NUP153: variants seen among roughly 807,000 people sequenced by gnomAD.
NUP153 encodes nucleoporin 153, also known as nuclear pore complex protein Nup153.
Under a neutral mutation model 134.6 loss-of-function variants are expected in NUP153, and 27 were observed. The observed-to-expected ratio is 0.20, with a 90% CI of 0.15 to 0.28. The LOEUF (loss-of-function observed/expected upper bound fraction) is 0.28. Ranked by LOEUF, NUP153 falls within the 10% of genes least tolerant of loss-of-function variation. The probability of loss-of-function intolerance (pLI) is 1.00; values close to 1 mark genes in which losing one functional copy is unlikely to be tolerated. For missense variants in NUP153, 1,821 were observed against 1,731.3 expected, an observed-to-expected ratio of 1.05 and a Z score of -0.92; for synonymous variants, 640 against 623.5, an observed-to-expected ratio of 1.03 and a Z score of -0.40.
intron 20 of NUP153, among the ~76,000 whole-genome samples, chr6:17,623,557 A>C (rs1764764159): frequency 6.6e-6 from 1 of 152,174 alleles, no homozygotes; most frequent in Admixed American, 6.5e-5. Context: ...CTCTAGAAAA[A>C]CATACATATG....
In NUP153 at chr6:17,675,492, A is replaced by T. The variant is rs756022354; in HGVS notation, c.583+30T>A. ...CCCATAAAATTTAATGTTACTACCC[A>T]AATTATGTACTACCACATGTCAAGA... On this transcript the variant is annotated intron_variant, in intron 3 of 21. Coordinates refer to ENST00000262077, the MANE Select transcript of NUP153 (RefSeq NM_005124.4). The surrounding 1 kb of genome is among the most constrained non-coding windows in gnomAD (Gnocchi z 4.4). 1 of 1,610,584 alleles carries T rather than the reference A, an allele frequency of 6.2e-7. No homozygotes were observed. The highest frequency in any genetic ancestry group is 1.7e-5 in the Admixed American group (1 of 59,716).
chr6:17,628,720 T>G lies in NUP153; in HGVS notation c.3479A>C (p.Glu1160Ala), dbSNP rs1765073939. The G allele has an allele frequency of 6.2e-7, 1 of 1,613,968 alleles. No homozygotes were observed. The highest frequency in any genetic ancestry group is 2.2e-5 in the East Asian group (1 of 44,892). ...TFSFSMTKPS[E>A]KESEQPAKAT... ...TTTTGCTGGCTGTTCAGATTCCTTC[T>G]CAGATGGTTTTGTCATACTAAAACT... The change falls in exon 18 of 22, where the codon GAG (glutamate) becomes GCG (alanine). Residue 1160 changes from glutamate to alanine, a missense_variant. Coordinates refer to ENST00000262077, the MANE Select transcript of NUP153 (RefSeq NM_005124.4). This position sits in a 1 kb window ranked among gnomAD's most constrained non-coding sequence, Gnocchi z 5.4.
intron 17 of NUP153, among the ~76,000 whole-genome samples, chr6:17,630,159 T>G (rs945413156): frequency 3.9e-5 from 6 of 152,104 alleles, no homozygotes; most frequent in Non-Finnish European, 8.8e-5. Flanking sequence ...ATAAAGAAAC[T>G]TTGAAAGATT....
intron 1 of NUP153, among the ~76,000 whole-genome samples, chr6:17,697,575 T>G (rs1459367870): frequency 6.6e-6 from 1 of 152,076 alleles, no homozygotes; most frequent in African/African-American, 2.4e-5. Context: ...TAATCCCAGC[T>G]ACTTGAGAGG....
At chr6:17,618,214 T>A (rs1764439436) in intron 20 of NUP153, among the ~76,000 whole-genome samples, 1 of 152,182 alleles carries the variant, frequency 6.6e-6, no homozygotes, top group South Asian at 2.1e-4. Flanking sequence ...CAGATAAATC[T>A]ACAATGAAAT....
chr6:17,629,661 T>C (rs112989746), intron 17 of NUP153, 122 bp from the exon 18 acceptor site: 1 of 766,796 alleles, frequency 1.3e-6, no homozygotes, highest in South Asian at 2.2e-5. Flanking sequence ...CTTTGAAGAG[T>C]ATTACCAGCA....
At chr6:17,643,559 T>C (rs1765970648) in intron 14 of NUP153, among the ~76,000 whole-genome samples, 1 of 152,208 alleles carries the variant, frequency 6.6e-6, no homozygotes, top group East Asian at 1.9e-4. Flanking sequence ...TCTTCCTTTA[T>C]AATGAAAGTT....
chr6:17,637,254 T>A lies in NUP153; in HGVS notation c.2363A>T (p.Asp788Val), dbSNP rs770742181. Residue 788 changes from aspartate to valine, a missense_variant, in exon 16 of 22, where the codon GAT becomes GTT. By Grantham distance (152) the Asp-to-Val change is radical. Coordinates refer to ENST00000262077, the MANE Select transcript of NUP153 (RefSeq NM_005124.4). ...AGATCCAATGGGCCTTTTGAATTTA[T>A]CTCCAAATCCTAAGGTACCAGTGGT... Reference protein sequence around the residue: ...TVTTGTLGFGDKFKRPIGSWE... With the variant: ...TVTTGTLGFGVKFKRPIGSWE... 6.2e-7 allele frequency: 1 copy of A among 1,614,174 alleles called. No individual in the cohort carries two copies.
At chr6:17,700,357 A>C (rs1034555526) in intron 1 of NUP153, among the ~76,000 whole-genome samples, 1 of 152,196 alleles carries the variant, frequency 6.6e-6, no homozygotes, top group African/African-American at 2.4e-5. Context: ...TTTACAGATG[A>C]GTAAATTAAC....
rs1417942679 is a variant in NUP153 at position 17,646,116 on chromosome 6, T to G, written c.1671A>C (p.Ala557=). ...FTFSVPVAKT[A]ELSGSSSTLE... ...AAGTACTACTAGAACCAGAAAGTTC[T>G]GCTGTTTTTGCAACAGGCACACTAA... Residue 557 remains alanine, a synonymous_variant, in exon 14 of 22, where the codon GCA becomes GCC. Transcript: ENST00000262077. The G allele has an allele frequency of 1.2e-6, 2 of 1,602,338 alleles. No individual in the cohort carries two copies. The highest frequency in any genetic ancestry group is 1.7e-6 in the Non-Finnish European group (2 of 1,169,728).
intron 2 of NUP153, among the ~76,000 whole-genome samples, chr6:17,677,661 T>G (rs1432915809): frequency 6.6e-6 from 1 of 151,990 alleles, no homozygotes; most frequent in African/African-American, 2.4e-5. Flanking sequence ...TTTATGTCCC[T>G]CAGTGGAACT....
chr6:17,625,688 A>G lies in NUP153; in HGVS notation c.3901+120T>C, dbSNP rs561059589. On this transcript the variant is annotated intron_variant, in intron 19 of 21. Transcript: ENST00000262077. The surrounding 1 kb of genome is among the most constrained non-coding windows in gnomAD (Gnocchi z 4.7). Reference sequence around the variant, plus strand: ...AATAATTAAAACAACCCTGGTATAGATGACCAAAAGGCATTCCCACCATTT... The same window carrying G: ...AATAATTAAAACAACCCTGGTATAGGTGACCAAAAGGCATTCCCACCATTT... The G allele has an allele frequency of 4.0e-6, 3 of 754,438 alleles. No homozygotes were observed. In the South Asian group the frequency reaches 5.1e-5, roughly 13 times the overall value. The allele number at this position is 754,438 out of a possible 1,614,324, so 46.7% of individuals were successfully genotyped here. A position where few individuals can be genotyped will look rare whatever the true frequency, so the allele number is the denominator to read the frequency against.
intron 5 of NUP153, among the ~76,000 whole-genome samples, chr6:17,670,387 A>G (rs534944333): frequency 2.0e-5 from 3 of 152,328 alleles, no homozygotes; most frequent in African/African-American, 7.2e-5. Flanking sequence ...TTGACCTTGT[A>G]TCCTGTGACC....
chr6:17,661,950 A>G (rs1767212285), intron 10 of NUP153, 68 bp downstream of exon 10: 2 of 1,301,122 alleles, frequency 1.5e-6, no homozygotes, highest in East Asian at 4.6e-5. Context: ...AAAAAGGTAC[A>G]TGTAAATTAA....
chr6:17,673,005 C>T (rs925327106), intron 5 of NUP153, among the ~76,000 whole-genome samples: 5 of 151,992 alleles, frequency 3.3e-5, no homozygotes, highest in East Asian at 1.9e-4. Flanking sequence ...ATCTCAGATA[C>T]GACACCAAAA....
intron 17 of NUP153, among the ~76,000 whole-genome samples, chr6:17,630,009 A>C (rs533036900): frequency 1.3e-5 from 2 of 152,374 alleles, no homozygotes; most frequent in South Asian, 4.1e-4. Flanking sequence ...CTATAAACGA[A>C]GAAGGAAGAA....
chr6:17,642,748 A>T (rs1765899743), intron 14 of NUP153, among the ~76,000 whole-genome samples: 1 of 152,126 alleles, frequency 6.6e-6, no homozygotes, highest in African/African-American at 2.4e-5. Flanking sequence ...TGTTCACAGC[A>T]GCACTATTCA....
In NUP153 at chr6:17,625,662, G is replaced by A. The variant is rs927856988; in HGVS notation, c.3901+146C>T. 3.0e-6 allele frequency: 2 copies of A among 657,410 alleles called. No homozygotes were observed. Among genetic ancestry groups the A allele is most frequent in the Middle Eastern group, 3.6e-4 (1 of 2,772 alleles). The allele number at this position is 657,410 out of a possible 1,614,324, so 40.7% of individuals were successfully genotyped here. A position where few individuals can be genotyped will look rare whatever the true frequency, so the allele number is the denominator to read the frequency against. ...GAGAGTGTACATTATTCCATACAGT[G>A]AATAATTAAAACAACCCTGGTATAG... is the stretch of plus-strand genomic sequence containing the variant. On this transcript the variant is annotated intron_variant, in intron 19 of 21. Transcript: ENST00000262077. This position sits in a 1 kb window ranked among gnomAD's most constrained non-coding sequence, Gnocchi z 4.7.
rs1768494606 is a variant in NUP153, at chr6:17,680,187, T to C, written c.335-4417A>G. ...TAAAAGTCCTGTCTGGGAAATCTGCTTGGGTCCGTGTTAATTTCCATTACA... is the reference window on the plus strand; with the variant it reads ...TAAAAGTCCTGTCTGGGAAATCTGCCTGGGTCCGTGTTAATTTCCATTACA... On this transcript the variant is annotated intron_variant, in intron 2 of 21. Coordinates refer to ENST00000262077, the MANE Select transcript of NUP153 (RefSeq NM_005124.4). The surrounding 1 kb of genome is among the most constrained non-coding windows in gnomAD (Gnocchi z 4.5). 6.6e-6 allele frequency among the ~76,000 whole-genome samples: 1 copy of C among 152,198 alleles called. No homozygotes were observed. Among genetic ancestry groups the C allele is most frequent in the Non-Finnish European group, 1.5e-5 (1 of 68,044 alleles).
Sources: gnomAD v4.1 joint callset for allele counts (sites outside exome capture counted in the v4.1 genomes callset) on GRCh38, gnomAD v4.1.1 for gene constraint, Gnocchi (gnomAD v3.1) non-coding constraint, MANE v1.5 for transcripts, NCBI Gene and HGNC (gene_info 2026-07-23, HGNC 2026-07-21) for gene names.